ABCG5: variants seen among roughly 807,000 people sequenced by gnomAD.
ABCG5 encodes ATP-binding cassette sub-family G member 5.
A neutral mutation model predicts 64.5 loss-of-function variants in ABCG5; 64 were observed. The ratio of observed to expected loss-of-function variants is 0.99; its 90% confidence interval spans 0.81 to 1.22. ABCG5 has a LOEUF of 1.22. ABCG5 is among the 50% of genes most tolerant of loss of function. The probability of loss-of-function intolerance (pLI) is 0.00; values close to 1 mark genes in which losing one functional copy is unlikely to be tolerated. For missense variants in ABCG5, 908 were observed against 829.5 expected (o/e 1.09, Z -1.16); for synonymous variants, 385 against 326.3 (o/e 1.18, Z -1.94).
chr2:43,822,484 C>CCG (rs1667287430), intron 10 of ABCG5: 1 of 916,892 alleles, frequency 1.1e-6, no homozygotes, highest in Non-Finnish European at 1.3e-6. Flanking sequence ...CCAGGCCCCC[C>CCG]CCCATGCACC....
downstream of ABCG5, among the ~76,000 whole-genome samples, chr2:43,812,285 A>C (rs1666518695): frequency 6.7e-6 from 1 of 149,086 alleles, no homozygotes; most frequent in Non-Finnish European, 1.5e-5. Context: ...GTTATTTCTC[A>C]GTGCATATAC....
intron 5 of ABCG5, 41 bp from the exon 6 acceptor site, chr2:43,826,562 G>T: frequency 6.2e-7 from 1 of 1,613,868 alleles, no homozygotes; most frequent in East Asian, 2.2e-5. Flanking sequence ...GTAGTGCAGA[G>T]CCCAGGCTCT....
At chr2:43,825,147 GCATTTCC>G (rs1188279228) in intron 6 of ABCG5, 129 bp from the exon 7 acceptor site, 1 of 1,142,756 alleles carries the variant, frequency 8.8e-7, no homozygotes, top group African/African-American at 1.6e-5. Context: ...TATGGGAAAT[GCATTTCC>G]CATAAGCAGT....
chr2:43,824,214 C>G lies in ABCG5; in HGVS notation c.1118+5G>C. 1 of 1,614,208 alleles carries G rather than the reference C, an allele frequency of 6.2e-7. No individual in the cohort carries two copies. The highest frequency in any genetic ancestry group is 8.5e-7 in the Non-Finnish European group (1 of 1,180,024). On this transcript the variant is annotated splice_donor_5th_base_variant and intron_variant, in intron 8 of 12. Transcript: ENST00000405322. The stretch of plus-strand genomic sequence containing the variant: ...AGGCATTTCTCACATTTGTGAGCCT[C>G]TTACCTCAGGAGAACACCCAGTTTA...
In ABCG5 at chr2:43,838,577, G is replaced by T; in HGVS notation, c.103C>A (p.Pro35Thr). ...LEGAPATAPE[P>T]HSLGILHASY... ...GCATGGAGGATGCCCAGGCTGTGAG[G>T]CTCCGGGGCGGTGGCAGGAGCCCCC... The change falls in exon 1 of 13, where the codon CCT becomes ACT. Residue 35 changes from proline to threonine, a missense_variant. By Grantham distance (38) the Pro-to-Thr change is conservative (BLOSUM62 -1). Coordinates refer to ENST00000405322, the MANE Select transcript of ABCG5 (RefSeq NM_022436.3). The surrounding 1 kb of genome is among the most constrained non-coding windows in gnomAD (Gnocchi z 4.2). 6.2e-7 allele frequency: 1 copy of T among 1,609,208 alleles called. No homozygotes were observed. Among genetic ancestry groups the T allele is most frequent in the Admixed American group, 1.7e-5 (1 of 59,516 alleles).
chr2:43,822,628 T>C, intron 10 of ABCG5, 169 bp downstream of exon 10: 1 of 984,416 alleles, frequency 1.0e-6, no homozygotes, highest in Non-Finnish European at 1.2e-6. Context: ...TTGGGCTATT[T>C]ACAATAAAAT....
At chr2:43,817,582 A>G (rs968426269) in intron 11 of ABCG5, among the ~76,000 whole-genome samples, 2 of 152,048 alleles carry the variant, frequency 1.3e-5, no homozygotes, top group Admixed American at 6.6e-5. Context: ...ACTTCCAGAT[A>G]AACCCATCAT....
intron 11 of ABCG5, among the ~76,000 whole-genome samples, chr2:43,817,842 G>C (rs901187191): frequency 2.0e-5 from 3 of 151,750 alleles, no homozygotes; most frequent in Non-Finnish European, 4.4e-5. Flanking sequence ...CATGGGAGGC[G>C]GAGGTTACAG....
At chr2:43,825,161 C>G (rs1288099701) in intron 6 of ABCG5, 143 bp from the exon 7 acceptor site, 3 of 990,684 alleles carry the variant, frequency 3.0e-6, no homozygotes, top group African/African-American at 3.3e-5. Flanking sequence ...TTCCCATAAG[C>G]AGTCAGTCCT....
At chr2:43,818,229 A>G (rs1299110188) in intron 11 of ABCG5, among the ~76,000 whole-genome samples, 2 of 152,174 alleles carry the variant, frequency 1.3e-5, no homozygotes, top group Non-Finnish European at 2.9e-5. Flanking sequence ...AGGTGGGCGA[A>G]TCACTTGAGG....
At chr2:43,817,900 A>C (rs904348383) in intron 11 of ABCG5, among the ~76,000 whole-genome samples, 34 of 152,044 alleles carry the variant, frequency 2.2e-4, no homozygotes, top group Non-Finnish European at 4.7e-4. Flanking sequence ...ACAGAGCGCG[A>C]TTCCCTCTCA....
intron 2 of ABCG5, chr2:43,832,656 G>A: frequency 6.2e-6 from 1 of 162,048 alleles, no homozygotes; most frequent in Non-Finnish European, 1.4e-5. Flanking sequence ...GAGAAGCACT[G>A]GCTTGGTAAG....
chr2:43,813,104 C>T lies in ABCG5; in HGVS notation c.*12G>A, dbSNP rs1250409930. On this transcript the variant is annotated 3_prime_UTR_variant, in exon 13 of 13. Coordinates refer to ENST00000405322, the MANE Select transcript of ABCG5 (RefSeq NM_022436.3). Reference sequence around the variant, plus strand: ...GGCAGCTTCACTTCCATTTTCCCAGCCATGGCTTTCACTACCTGCTAATGA... The same window carrying T: ...GGCAGCTTCACTTCCATTTTCCCAGTCATGGCTTTCACTACCTGCTAATGA... The T allele has an allele frequency of 9.5e-7, 1 of 1,049,098 alleles. No homozygotes were observed. The highest frequency in any genetic ancestry group is 1.5e-6 in the Non-Finnish European group (1 of 664,108). 65.0% of individuals were successfully genotyped at this position (1,049,098 alleles called of 1,614,324 possible).
intron 10 of ABCG5, among the ~76,000 whole-genome samples, chr2:43,821,987 C>G (rs745374988): frequency 5.3e-5 from 8 of 152,114 alleles, no homozygotes; most frequent in Non-Finnish European, 1.0e-4. Flanking sequence ...CTGGGAACTT[C>G]CTCTTTGACT....
chr2:43,829,545 T>C (rs189015253), intron 4 of ABCG5, among the ~76,000 whole-genome samples: 28 of 152,320 alleles, frequency 1.8e-4, no homozygotes, highest in Admixed American at 1.0e-3. Flanking sequence ...TTACTGAATT[T>C]CTAATCAAGA....
At chr2:43,839,204 C>A, upstream of ABCG5, 1 of 1,375,696 alleles carries the variant, frequency 7.3e-7, no homozygotes, top group Non-Finnish European at 1.0e-6. Context: ...GCCTTCTGTC[C>A]TAGCACCACC....
intron 11 of ABCG5, among the ~76,000 whole-genome samples, chr2:43,817,461 G>A (rs1441775718): frequency 6.6e-6 from 1 of 151,844 alleles, no homozygotes; most frequent in African/African-American, 2.4e-5. Context: ...TTCCAGCCTG[G>A]GTGACAGAGT....
chr2:43,830,955 A>G lies in ABCG5; in HGVS notation c.501+814T>C, dbSNP rs58859697. ...ATTCAAGATGCCTCCAAGCAAGCTGAGAAAAATCAGTGGCAAAAATAACTA... is the reference window on the plus strand; with the variant it reads ...ATTCAAGATGCCTCCAAGCAAGCTGGGAAAAATCAGTGGCAAAAATAACTA... On this transcript the variant is annotated intron_variant, in intron 4 of 12. Coordinates refer to ENST00000405322, the MANE Select transcript of ABCG5 (RefSeq NM_022436.3). 1.0e-2 allele frequency among the ~76,000 whole-genome samples: 1,522 copies of G among 152,358 alleles called. 20 individuals are homozygous for G. Among genetic ancestry groups the G allele is most frequent in the African/African-American group, 0.035 (1,443 of 41,576 alleles).
downstream of ABCG5, among the ~76,000 whole-genome samples, chr2:43,808,911 C>T (rs143556963): frequency 2.0e-5 from 3 of 151,880 alleles, no homozygotes; most frequent in African/African-American, 7.2e-5. Context: ...TTGTGCATTG[C>T]TCTATTGTTA....
Sources: gnomAD v4.1 joint callset for allele counts (sites outside exome capture counted in the v4.1 genomes callset) on GRCh38, gnomAD v4.1.1 for gene constraint, Gnocchi (gnomAD v3.1) non-coding constraint, MANE v1.5 for transcripts, NCBI Gene and HGNC (gene_info 2026-07-23, HGNC 2026-07-21) for gene names.